The following ZSCAN30 variants were observed in gnomAD, a reference collection of about 807,000 sequenced individuals.
ZSCAN30 encodes the protein zinc finger and SCAN domain-containing protein 30.
A neutral mutation model predicts 44.3 loss-of-function variants in ZSCAN30; 37 were observed. The observed-to-expected ratio is 0.84, with a 90% CI of 0.64 to 1.10. ZSCAN30 has a LOEUF of 1.10. Ranked by LOEUF, ZSCAN30 falls within the 50% of genes least tolerant of loss-of-function variation. The pLI is 0.00. For missense variants in ZSCAN30, 549 were observed against 582.6 expected, an observed-to-expected ratio of 0.94 and a Z score of 0.59; for synonymous variants, 181 against 204.6, an observed-to-expected ratio of 0.88 and a Z score of 0.98.
intron 1 of ZSCAN30, among the ~76,000 whole-genome samples, chr18:35,277,923 G>A (rs542987546): frequency 6.6e-6 from 1 of 152,108 alleles, no homozygotes; most frequent in Admixed American, 6.5e-5. Flanking sequence ...TAAGGTGGAA[G>A]CTTAGGTTTA....
intron 1 of ZSCAN30, among the ~76,000 whole-genome samples, chr18:35,277,778 T>A (rs1344903909): frequency 6.6e-6 from 1 of 152,194 alleles, no homozygotes; most frequent in African/African-American, 2.4e-5. Flanking sequence ...TCTATGATGT[T>A]CACACAAAGA....
Position 35,264,143 on chromosome 18 carries a change from T to G in ZSCAN30, c.210A>C (p.Arg70=). The change falls in exon 2 of 4, where the codon CGA becomes CGC. Residue 70 remains arginine (R), a synonymous_variant. Coordinates refer to ENST00000333206, the MANE Select transcript of ZSCAN30 (RefSeq NM_001112734.4). ...GCCTCAACCACTGACAGCAAAGCTCTCGCAGCCGGCTCAGAGCCTCCCGAG... is the reference window on the plus strand; with the variant it reads ...GCCTCAACCACTGACAGCAAAGCTCGCGCAGCCGGCTCAGAGCCTCCCGAG... ...TGPREALSRL[R]ELCCQWLRPE... 1 of 1,614,246 alleles carries G rather than the reference T, an allele frequency of 6.2e-7. No homozygotes were observed. The highest frequency in any genetic ancestry group is 8.5e-7 in the Non-Finnish European group (1 of 1,180,028).
intron 1 of ZSCAN30, among the ~76,000 whole-genome samples, chr18:35,288,932 T>C (rs1164349317): frequency 1.3e-5 from 2 of 150,164 alleles, no homozygotes; most frequent in African/African-American, 4.9e-5. Flanking sequence ...TTGCTGTTTA[T>C]GTCAGTTATA....
chr18:35,288,095 G>T (rs2044585777), intron 1 of ZSCAN30, among the ~76,000 whole-genome samples: 1 of 152,012 alleles, frequency 6.6e-6, no homozygotes, highest in Admixed American at 6.6e-5. Flanking sequence ...CTGGTCTCCA[G>T]CTCCTAGACT....
At position 35,253,721 on chromosome 18, in the gene ZSCAN30, T is replaced by C. The variant is rs755085081; in HGVS notation, c.1214A>G (p.Lys405Arg). The C allele has an allele frequency of 6.2e-7, 1 of 1,613,618 alleles. No individual in the cohort carries two copies. The highest frequency in any genetic ancestry group is 8.5e-7 in the Non-Finnish European group (1 of 1,179,878). ...SRSSALIQHK[K>R]IHTGDKSYEC... ...ATAGCTTTTATCTCCAGTGTGAATT[T>C]TCTTATGCTGAATAAGGGCTGAGCT... Residue 405 changes from lysine (K) to arginine (R), a missense_variant, in exon 4 of 4, where the codon AAA becomes AGA. Lys to Arg is a conservative substitution (Grantham distance 26, BLOSUM62 2). Transcript: ENST00000333206.
At chr18:35,289,635 CCTT>C (rs2045745261) in intron 1 of ZSCAN30, 1 of 152,240 alleles carries the variant, frequency 6.6e-6, no homozygotes, top group South Asian at 2.1e-4. Flanking sequence ...CATTTCGGGT[CCTT>C]CTCACCCTGA....
At chr18:35,271,190 G>C (rs935629664) in intron 1 of ZSCAN30, among the ~76,000 whole-genome samples, 5 of 152,146 alleles carry the variant, frequency 3.3e-5, no homozygotes, top group African/African-American at 1.2e-4. Context: ...TGCTTGCTGG[G>C]GCAGCCGGCT....
At chr18:35,274,671 A>C (rs968707526) in intron 1 of ZSCAN30, among the ~76,000 whole-genome samples, 2 of 152,224 alleles carry the variant, frequency 1.3e-5, no homozygotes, top group African/African-American at 4.8e-5. Flanking sequence ...ATAATCTGAA[A>C]GTGAAAGCCC....
intron 1 of ZSCAN30, among the ~76,000 whole-genome samples, chr18:35,287,825 A>G (rs961585904): frequency 2.6e-4 from 39 of 152,096 alleles, no homozygotes; most frequent in African/African-American, 9.4e-4. Context: ...ATTAACAGAA[A>G]GAAAACTGAA....
chr18:35,279,351 C>G (rs1176543679), intron 1 of ZSCAN30, among the ~76,000 whole-genome samples: 1 of 152,210 alleles, frequency 6.6e-6, no homozygotes, highest in African/African-American at 2.4e-5. Context: ...CTTTTGGATG[C>G]ATTACTCCAA....
At chr18:35,258,355 A>G (rs955776256) in intron 3 of ZSCAN30, 2 of 182,646 alleles carry the variant, frequency 1.1e-5, no homozygotes, top group Non-Finnish European at 2.3e-5. Flanking sequence ...TACTGCCACT[A>G]TGAAGTAATA....
intron 1 of ZSCAN30, chr18:35,284,541 T>A (rs1471056954): frequency 6.4e-6 from 1 of 155,042 alleles, no homozygotes; most frequent in African/African-American, 2.4e-5. Context: ...CTGTCAGCAC[T>A]GCCTCAAGTA....
At position 35,254,066 on chromosome 18, in the gene ZSCAN30, G is replaced by A. The variant is rs767635025; in HGVS notation, c.869C>T (p.Thr290Ile). Reference sequence around the variant, plus strand: ...TTCCCTAGTGTCAACGCTCTGTTGTGTAATATCATTTGAATTCATACTGAA... The same window carrying A: ...TTCCCTAGTGTCAACGCTCTGTTGTATAATATCATTTGAATTCATACTGAA... The part of the protein sequence containing the change: ...GSFSMNSNDI[T>I]QQSVDTREKL... The change falls in exon 4 of 4, where the codon ACA becomes ATA. Residue 290 changes from threonine (T) to isoleucine (I), a missense_variant. Transcript: ENST00000333206. The A allele has an allele frequency of 9.3e-6, 15 of 1,614,050 alleles. No homozygotes were observed. The South Asian group carries it at 1.3e-4, about 14-fold the overall frequency.
chr18:35,258,388 G>A (rs1021241981), intron 3 of ZSCAN30: 2 of 165,706 alleles, frequency 1.2e-5, no homozygotes, highest in Non-Finnish European at 2.6e-5. Context: ...GTTAAAAAAT[G>A]TAACAGATAA....
Position 35,264,181 on chromosome 18 carries a change from C to G in ZSCAN30, c.172G>C (p.Asp58His). ...AGAGCCTCCCGAGGGCCAGTGGAGT[C>G]AGAGTAACTAAACTGCCTGAACTTC... ...RQKFRQFSYS[D>H]STGPREALSR... is the part of the protein sequence containing the mutation. Residue 58 changes from aspartate (D) to histidine (H), a missense_variant, in exon 2 of 4, where the codon GAC (aspartate) becomes CAC (histidine). Coordinates refer to ENST00000333206, the MANE Select transcript of ZSCAN30 (RefSeq NM_001112734.4). 6.2e-7 allele frequency: 1 copy of G among 1,614,246 alleles called. No homozygotes were observed. Among genetic ancestry groups the G allele is most frequent in the Non-Finnish European group, 8.5e-7 (1 of 1,180,050 alleles).
chr18:35,263,481 T>C (rs570679675), intron 3 of ZSCAN30, 32 bp downstream of exon 3: 23 of 1,613,022 alleles, frequency 1.4e-5, no homozygotes, highest in Non-Finnish European at 2.0e-5. Flanking sequence ...CTCACCTCCA[T>C]CCTCAACCCC....
At chr18:35,288,947 AATAAAGCTGTTTTGTTTTGTTTTGTTTT>A (rs1021070610) in intron 1 of ZSCAN30, among the ~76,000 whole-genome samples, 5 of 116,764 alleles carry the variant, frequency 4.3e-5, no homozygotes, top group African/African-American at 1.7e-4. Context: ...GTTATACCTC[AATAAAGCTGTTTTGTTTTGTTTTGTTTT>A]GTTTTGTTTT....
intron 3 of ZSCAN30, chr18:35,262,354 A>AT (rs2044044645): frequency 6.6e-6 from 1 of 152,218 alleles, no homozygotes; most frequent in East Asian, 1.9e-4. Flanking sequence ...CATAAGGATG[A>AT]TTTTGCCAAT....
intron 3 of ZSCAN30, chr18:35,263,118 G>A (rs1179659521): frequency 8.5e-6 from 3 of 354,710 alleles, no homozygotes; most frequent in Non-Finnish European, 1.6e-5. Context: ...GTGTACAACT[G>A]TAGTCCTAGC....
Sources: allele counts gnomAD v4.1 joint callset (sites outside exome capture counted in the v4.1 genomes callset), GRCh38; gene constraint gnomAD v4.1.1; transcripts MANE v1.5; gene names NCBI Gene and HGNC (gene_info 2026-07-23, HGNC 2026-07-21).